Variants in HACD3 observed in about 807,000 individuals in gnomAD.
The protein encoded by HACD3 is very-long-chain (3R)-3-hydroxyacyl-CoA dehydratase 3.
A neutral mutation model predicts 55.2 loss-of-function variants in HACD3; 30 were observed. The ratio of observed to expected loss-of-function variants is 0.54; its 90% CI spans 0.41 to 0.74. The LOEUF (loss-of-function observed/expected upper bound fraction) is 0.74. Ranked by LOEUF, HACD3 falls within the 30% of genes least tolerant of loss-of-function variation. The probability of loss-of-function intolerance (pLI) is 0.00; values close to 1 mark genes in which losing one functional copy is unlikely to be tolerated. For missense variants in HACD3, 363 were observed against 440.1 expected (o/e 0.82, Z 1.57); for synonymous variants, 141 against 151.7 (o/e 0.93, Z 0.52).
At chr15:65,558,565 C>T in intron 4 of HACD3, 115 bp from the exon 5 acceptor site, 2 of 936,218 alleles carry the variant, frequency 2.1e-6, no homozygotes, top group Admixed American at 2.1e-5. Flanking sequence ...ATGCACTGAC[C>T]CCAACTGGAG....
intron 1 of HACD3, among the ~76,000 whole-genome samples, chr15:65,539,894 A>G (rs1596204666): frequency 6.6e-6 from 1 of 152,334 alleles, no homozygotes; most frequent in East Asian, 1.9e-4. Flanking sequence ...ATGTCAAATC[A>G]TACTGTATAT....
At chr15:65,542,257 G>T (rs1596205748) in intron 1 of HACD3, among the ~76,000 whole-genome samples, 1 of 140,436 alleles carries the variant, frequency 7.1e-6, no homozygotes, top group African/African-American at 2.6e-5. Context: ...GAAAAGAAAA[G>T]AATATCTGTT....
intron 2 of HACD3, among the ~76,000 whole-genome samples, chr15:65,552,825 G>A (rs950443200): frequency 6.6e-6 from 1 of 151,504 alleles, no homozygotes; most frequent in Non-Finnish European, 1.5e-5. Context: ...TATATCTCCC[G>A]ATGCTATCCC....
chr15:65,536,687 G>A (rs1046441752), intron 1 of HACD3, among the ~76,000 whole-genome samples: 33 of 152,166 alleles, frequency 2.2e-4, no homozygotes, highest in African/African-American at 8.0e-4. Flanking sequence ...AACCTGGGAG[G>A]CTGAAGTTGG....
chr15:65,551,685 A>G lies in HACD3; in HGVS notation c.97A>G (p.Ile33Val), dbSNP rs1424654772. ...TGGTCTCTTTTCACAGAACCCTGCC[A>G]TCAGCATCACTGAAAACGTGCTGCA... The part of the protein sequence containing the change: ...VELSDVQNPA[I>V]SITENVLHFK... Residue 33 changes from isoleucine to valine, a missense_variant, in exon 2 of 11, where the codon ATC becomes GTC. Physicochemically the swap from Ile to Val is conservative, Grantham distance 29. Transcript: ENST00000261875. 4.3e-6 allele frequency: 7 copies of G among 1,614,014 alleles called. No individual in the cohort carries two copies. Among genetic ancestry groups the G allele is most frequent in the Non-Finnish European group, 5.9e-6 (7 of 1,179,874 alleles).
chr15:65,554,431 C>T (rs2072166717), intron 2 of HACD3, among the ~76,000 whole-genome samples: 1 of 152,062 alleles, frequency 6.6e-6, no homozygotes, highest in African/African-American at 2.4e-5. Flanking sequence ...TTAACAGGAC[C>T]CATTAAGATT....
intron 8 of HACD3, 42 bp from the exon 9 acceptor site, chr15:65,571,506 C>T: frequency 3.4e-6 from 5 of 1,450,764 alleles, no homozygotes; most frequent in East Asian, 2.3e-5. Context: ...GCATTCGGAA[C>T]CTGAAGTGGC....
chr15:65,575,399 G>A (rs1000130740), intron 10 of HACD3, among the ~76,000 whole-genome samples: 1 of 152,002 alleles, frequency 6.6e-6, no homozygotes, highest in African/African-American at 2.4e-5. Flanking sequence ...TGTTGGCCAG[G>A]CTGGTCTCAA....
At chr15:65,563,661 C>T (rs185002928) in intron 6 of HACD3, among the ~76,000 whole-genome samples, 62 of 152,082 alleles carry the variant, frequency 4.1e-4, no homozygotes, top group Non-Finnish European at 6.9e-4. Context: ...GGAGCAAGAC[C>T]TTGACTCTTA....
chr15:65,542,270 G>T (rs1412880022), intron 1 of HACD3, among the ~76,000 whole-genome samples: 3 of 147,792 alleles, frequency 2.0e-5, no homozygotes, highest in East Asian at 4.0e-4. Context: ...TATCTGTTTT[G>T]TATGTTTGTT....
chr15:65,570,355 A>G (rs1189818554), intron 8 of HACD3, among the ~76,000 whole-genome samples, 152 bp downstream of exon 8: 1 of 152,226 alleles, frequency 6.6e-6, no homozygotes, highest in Non-Finnish European at 1.5e-5. Context: ...TGTGCTCTGC[A>G]AAGTTGAGAC....
At position 65,530,488 on chromosome 15, in the gene HACD3, G is replaced by A. The variant is rs1001904933; in HGVS notation, c.-144G>A. On this transcript the variant is annotated 5_prime_UTR_variant, in exon 1 of 11. Coordinates refer to ENST00000261875, the MANE Select transcript of HACD3 (RefSeq NM_016395.4). ...GTCACTGCGCAGGCGCGGCCCGCGA[G>A]CGTGGGGTATCTCGAGGTGCCGGGT... 2.1e-5 allele frequency: 14 copies of A among 662,040 alleles called. No individual in the cohort carries two copies. The Middle Eastern group carries it at 1.0e-3, about 49-fold the overall frequency. 41.0% of individuals were successfully genotyped at this position (662,040 alleles called of 1,614,324 possible).
In HACD3 at chr15:65,576,553, T is replaced by G; in HGVS notation, c.*174T>G. ...ATTTACTGTTATCTTATTGTAGTAC[T>G]TGCATGACATGGATTCCTGATATCT... On this transcript the variant is annotated 3_prime_UTR_variant, in exon 11 of 11. Coordinates refer to ENST00000261875, the MANE Select transcript of HACD3 (RefSeq NM_016395.4). The G allele has an allele frequency of 1.5e-6, 1 of 687,466 alleles. No homozygotes were observed. The highest frequency in any genetic ancestry group is 2.4e-6 in the Non-Finnish European group (1 of 421,100). The allele number at this position is 687,466 out of a possible 1,614,324, so 42.6% of individuals were successfully genotyped here. A position where few individuals can be genotyped will look rare whatever the true frequency, so the allele number is the denominator to read the frequency against.
At chr15:65,533,163 C>G (rs918667754) in intron 1 of HACD3, among the ~76,000 whole-genome samples, 1 of 152,132 alleles carries the variant, frequency 6.6e-6, no homozygotes, top group Admixed American at 6.5e-5. Flanking sequence ...ATAACACACC[C>G]GTAGTTAAAC....
At position 65,544,693 on chromosome 15, in the gene HACD3, C is replaced by T. The variant is rs138516357; in HGVS notation, c.88-6983C>T. Among the ~76,000 whole-genome samples the T allele has an allele frequency of 1.6e-3, 244 of 151,904 alleles. 1 individual carries two copies. Among genetic ancestry groups the T allele is most frequent in the African/African-American group, 5.5e-3 (226 of 41,422 alleles). ...AAAACTCCTTTTTACAGAAGAATGC[C>T]AACTAGAAAATGAAAAAGGAATGAT... On this transcript the variant is annotated intron_variant, in intron 1 of 10. Coordinates refer to ENST00000261875, the MANE Select transcript of HACD3 (RefSeq NM_016395.4).
At chr15:65,545,961 A>T (rs1272669785) in intron 1 of HACD3, among the ~76,000 whole-genome samples, 1 of 152,228 alleles carries the variant, frequency 6.6e-6, no homozygotes, top group Non-Finnish European at 1.5e-5. Flanking sequence ...TCTCTCTTAG[A>T]CCACTTGCTC....
At position 65,578,271 on chromosome 15, in the gene HACD3, G is replaced by GTGAT. The variant is rs1428361420; in HGVS notation, c.*1895_*1898dup. On this transcript the variant is annotated 3_prime_UTR_variant, in exon 11 of 11. Transcript: ENST00000261875. ...CTCGTGGCAAAATTCTGTATTCTTA[G>GTGAT]TGATTGTTACAAACCCCTTTATTGC... 1 of 152,204 alleles carries GTGAT rather than the reference G, an allele frequency of 6.6e-6. No homozygotes were observed. The highest frequency in any genetic ancestry group is 1.5e-5 in the Non-Finnish European group (1 of 68,030). The allele number at this position is 152,204 out of a possible 1,614,324, so 9.4% of individuals were successfully genotyped here. A position where few individuals can be genotyped will look rare whatever the true frequency, so the allele number is the denominator to read the frequency against.
At chr15:65,560,845 C>T (rs1368258526) in intron 5 of HACD3, among the ~76,000 whole-genome samples, 3 of 150,902 alleles carry the variant, frequency 2.0e-5, no homozygotes, top group Non-Finnish European at 2.9e-5. Context: ...CAGCTTTATC[C>T]ATGTAGACTA....
intron 1 of HACD3, among the ~76,000 whole-genome samples, chr15:65,532,296 C>T (rs1596200884): frequency 6.6e-6 from 1 of 151,942 alleles, no homozygotes; most frequent in Admixed American, 6.6e-5. Flanking sequence ...GATCAAAGTC[C>T]CCGTCTAGAG....
Sources: gnomAD v4.1 joint callset for allele counts (sites outside exome capture counted in the v4.1 genomes callset) on GRCh38, gnomAD v4.1.1 for gene constraint, MANE v1.5 for transcripts, NCBI Gene and HGNC (gene_info 2026-07-23, HGNC 2026-07-21) for gene names.